CMTM8: variants seen among roughly 807,000 people sequenced by gnomAD.
CMTM8 encodes the protein CKLF-like MARVEL transmembrane domain-containing protein 8.
CMTM8 carries 12 observed loss-of-function variants against 18.6 expected under a neutral mutation model. The ratio of observed to expected loss-of-function variants is 0.65; its 90% CI spans 0.41 to 1.05. The LOEUF is 1.05. Among genes scored for constraint, CMTM8 ranks in the 50% least tolerant of loss-of-function variants. The pLI is 0.00. For synonymous variants in CMTM8, 87 were observed against 90.6 expected (o/e 0.96, Z 0.23); for missense variants, 217 against 227.2 (o/e 0.95, Z 0.29).
chr3:32,307,516 C>T (rs146512966), intron 1 of CMTM8, among the ~76,000 whole-genome samples: 28 of 152,160 alleles, frequency 1.8e-4, no homozygotes, highest in Non-Finnish European at 3.4e-4. Context: ...ATAAGTAAGT[C>T]CTTTTTGGGC....
chr3:32,273,129 ATGTGTGTGTG>A lies in CMTM8; in HGVS notation c.147+34034_147+34043del, dbSNP rs60162265. Among the ~76,000 whole-genome samples the A allele has an allele frequency of 5.2e-4, 74 of 143,026 alleles. 1 individual carries two copies. Among genetic ancestry groups the A allele is most frequent in the Admixed American group, 8.4e-4 (12 of 14,222 alleles). The allele number at this position is 143,026 out of a possible 152,430, so 93.8% of individuals were successfully genotyped here. ...CAAGGGTGTGGAGAAATTGGAACAA[ATGTGTGTGTG>A]TGTGTGTGTGTGTGTGTGTGTGTAC... On this transcript the variant is annotated intron_variant, in intron 1 of 3. Transcript: ENST00000307526.
At chr3:32,279,329 T>A (rs1472801077) in intron 1 of CMTM8, among the ~76,000 whole-genome samples, 4 of 62,848 alleles carry the variant, frequency 6.4e-5, no homozygotes, top group South Asian at 7.4e-4. Context: ...CCCTCCCCCC[T>A]CCCCCGACCC....
At chr3:32,332,173 G>A (rs1476171911) in intron 1 of CMTM8, among the ~76,000 whole-genome samples, 1 of 152,186 alleles carries the variant, frequency 6.6e-6, no homozygotes, top group Non-Finnish European at 1.5e-5. Context: ...CAGAAGCATA[G>A]TACAATTAGA....
intron 1 of CMTM8, among the ~76,000 whole-genome samples, chr3:32,242,439 A>G (rs1157444832): frequency 6.6e-6 from 1 of 151,984 alleles, no homozygotes; most frequent in Non-Finnish European, 1.5e-5. Context: ...CTCCCACCTC[A>G]GCCTCCCAAG....
chr3:32,346,758 G>A (rs76094584), intron 1 of CMTM8, among the ~76,000 whole-genome samples: 7,920 of 151,574 alleles, frequency 0.052, 270 homozygotes, highest in East Asian at 0.14. Flanking sequence ...GGAAGCACAC[G>A]TTTGGTCTGT....
chr3:32,297,643 A>G (rs925891734), intron 1 of CMTM8, among the ~76,000 whole-genome samples: 1 of 152,002 alleles, frequency 6.6e-6, no homozygotes, highest in African/African-American at 2.4e-5. Flanking sequence ...TCTGTCTGAA[A>G]TCCCAGCAGT....
chr3:32,353,029 C>T lies in CMTM8; in HGVS notation c.148-4344C>T, dbSNP rs147156514. On this transcript the variant is annotated intron_variant, in intron 1 of 3. Transcript: ENST00000307526. ...CAGAGTCTCGCTCTGCACCCAGGCT[C>T]TGCGCCTGTGCTGGAGTATAGTGGT... 6.2e-3 allele frequency among the ~76,000 whole-genome samples: 945 copies of T among 152,314 alleles called. 17 individuals are homozygous for T. The highest frequency in any genetic ancestry group is 0.042 in the Admixed American group (647 of 15,294).
intron 1 of CMTM8, among the ~76,000 whole-genome samples, chr3:32,323,286 A>T (rs536944794): frequency 5.8e-4 from 88 of 152,254 alleles, no homozygotes; most frequent in African/African-American, 2.1e-3. Flanking sequence ...TCCCCAGTTC[A>T]CTTCCTTGAG....
At chr3:32,245,453 C>T (rs1702000683) in intron 1 of CMTM8, among the ~76,000 whole-genome samples, 1 of 152,174 alleles carries the variant, frequency 6.6e-6, no homozygotes, top group Non-Finnish European at 1.5e-5. Flanking sequence ...AGTTTTATAA[C>T]AAGCTAGAAG....
At chr3:32,239,545 CTAATTA>C (rs908176786) in intron 1 of CMTM8, among the ~76,000 whole-genome samples, 2 of 152,018 alleles carry the variant, frequency 1.3e-5, no homozygotes, top group Admixed American at 6.6e-5. Context: ...CTTTCTTTTC[CTAATTA>C]TCTCCCTGGT....
At chr3:32,357,715 C>G (rs1443933162) in intron 2 of CMTM8, among the ~76,000 whole-genome samples, 169 bp downstream of exon 2, 2 of 152,230 alleles carry the variant, frequency 1.3e-5, no homozygotes, top group African/African-American at 4.8e-5. Context: ...TTTCAAGTGG[C>G]TTACACCTGG....
At chr3:32,319,074 A>ATATATATATATATTTTTTTTTTTTT in intron 1 of CMTM8, among the ~76,000 whole-genome samples, 5 of 31,528 alleles carry the variant, frequency 1.6e-4, no homozygotes, top group South Asian at 1.4e-3. Context: ...ATATATATAT[A>ATATATATATATATTTTTTTTTTTTT]TTTTTTTTTT....
intron 1 of CMTM8, among the ~76,000 whole-genome samples, chr3:32,252,327 A>G (rs1394557166): frequency 6.6e-6 from 1 of 152,200 alleles, no homozygotes; most frequent in Non-Finnish European, 1.5e-5. Flanking sequence ...CAATAGGGTA[A>G]GCCATACAAA....
intron 1 of CMTM8, among the ~76,000 whole-genome samples, chr3:32,303,145 T>C (rs1220185248): frequency 6.6e-6 from 1 of 152,190 alleles, no homozygotes; most frequent in Non-Finnish European, 1.5e-5. Context: ...AGGTTGCAAA[T>C]AAGTAAGGTT....
intron 1 of CMTM8, among the ~76,000 whole-genome samples, chr3:32,262,071 G>A (rs993920616): frequency 1.3e-5 from 2 of 152,166 alleles, no homozygotes; most frequent in African/African-American, 4.8e-5. Flanking sequence ...CCTGCCATCA[G>A]AAGGAAGACG....
At chr3:32,260,291 T>A in intron 1 of CMTM8, 1 of 796,964 alleles carries the variant, frequency 1.3e-6, no homozygotes. Context: ...CAGAGGTCAT[T>A]GGAAAAAAAA....
chr3:32,309,468 C>T (rs1042554116), intron 1 of CMTM8, among the ~76,000 whole-genome samples: 5 of 151,866 alleles, frequency 3.3e-5, no homozygotes, highest in African/African-American at 9.7e-5. Flanking sequence ...CCACCACGCC[C>T]GGCTAATTTT....
At chr3:32,328,394 A>AAAAAAAAAC (rs1696205581) in intron 1 of CMTM8, among the ~76,000 whole-genome samples, 1 of 140,732 alleles carries the variant, frequency 7.1e-6, no homozygotes, top group Non-Finnish European at 1.6e-5. Flanking sequence ...AAAAAAAAAA[A>AAAAAAAAAC]AGTAATCCCG....
At chr3:32,287,394 A>T (rs1702705955) in intron 1 of CMTM8, among the ~76,000 whole-genome samples, 2 of 152,230 alleles carry the variant, frequency 1.3e-5, no homozygotes, top group Admixed American at 6.5e-5. Context: ...TTTTGCTCCT[A>T]AACAGGTTAA....
Sources: gnomAD v4.1 joint callset for allele counts (sites outside exome capture counted in the v4.1 genomes callset) on GRCh38, gnomAD v4.1.1 for gene constraint, MANE v1.5 for transcripts, NCBI Gene and HGNC (gene_info 2026-07-23, HGNC 2026-07-21) for gene names.